Variants in TMEM131L observed in about 807,000 individuals in gnomAD.
TMEM131L encodes transmembrane 131 like.
A neutral mutation model predicts 192.2 loss-of-function variants in TMEM131L; 54 were observed. The observed-to-expected ratio is 0.28, with a 90% CI of 0.23 to 0.35. The LOEUF is 0.35. Among genes scored for constraint, TMEM131L ranks in the 10% least tolerant of loss-of-function variants. TMEM131L has a pLI of 1.00. For missense variants in TMEM131L, 1,888 were observed against 1,972.9 expected, an observed-to-expected ratio of 0.96 and a Z score of 0.82; for synonymous variants, 701 against 704.9, an observed-to-expected ratio of 0.99 and a Z score of 0.09.
intron 2 of TMEM131L, among the ~76,000 whole-genome samples, chr4:153,473,564 C>T (rs761869755): frequency 3.3e-5 from 5 of 152,094 alleles, no homozygotes; most frequent in East Asian, 1.9e-4. Flanking sequence ...GAGGCCGAGG[C>T]GGGTGGATCA....
intron 7 of TMEM131L, among the ~76,000 whole-genome samples, chr4:153,576,898 C>G (rs534449773): frequency 5.3e-5 from 8 of 152,290 alleles, no homozygotes; most frequent in Non-Finnish European, 7.3e-5. Flanking sequence ...ATGCCCACCT[C>G]TATCCACTCA....
intron 3 of TMEM131L, among the ~76,000 whole-genome samples, chr4:153,509,954 A>T (rs1734241117): frequency 6.6e-6 from 1 of 152,168 alleles, no homozygotes. Flanking sequence ...TGCTACATGA[A>T]ATATGATCTG....
chr4:153,612,302 T>C lies in TMEM131L; in HGVS notation c.3469T>C (p.Leu1157=), dbSNP rs903489072. Residue 1157 remains leucine (L), a synonymous_variant, in exon 26 of 35, where the codon TTG becomes CTG. Coordinates refer to ENST00000409959, the MANE Select transcript of TMEM131L (RefSeq NM_001131007.2). The part of the protein sequence containing the change: ...VKNEVDHCEN[L]KKVDTKPSSE... ...GAATGAAGTAGATCATTGTGAAAATTTGAAGAAGGTGGACACAAAGCCTTC... is the reference window on the plus strand; with the variant it reads ...GAATGAAGTAGATCATTGTGAAAATCTGAAGAAGGTGGACACAAAGCCTTC... 6.3e-6 allele frequency: 10 copies of C among 1,591,838 alleles called. No homozygotes were observed. Among genetic ancestry groups the C allele is most frequent in the Non-Finnish European group, 7.7e-6 (9 of 1,172,574 alleles).
chr4:153,545,943 G>C (rs6819752), intron 3 of TMEM131L, among the ~76,000 whole-genome samples: 29,847 of 151,976 alleles, frequency 0.2, 4,065 homozygotes, highest in East Asian at 0.36. Flanking sequence ...GAGTGCAGTG[G>C]TGCGGTCATT....
At chr4:153,544,910 G>A (rs1737057308) in intron 3 of TMEM131L, among the ~76,000 whole-genome samples, 1 of 152,134 alleles carries the variant, frequency 6.6e-6, no homozygotes, top group Non-Finnish European at 1.5e-5. Flanking sequence ...GAGCTTTGAG[G>A]TGGGGTCAGC....
intron 7 of TMEM131L, among the ~76,000 whole-genome samples, chr4:153,561,114 T>A (rs1580217084): frequency 6.6e-6 from 1 of 152,364 alleles, no homozygotes; most frequent in African/African-American, 2.4e-5. Context: ...GTGGTTTTGA[T>A]TTGCATTTTT....
Position 153,603,791 on chromosome 4 carries a change from C to T in TMEM131L, c.2790-11C>T, listed in dbSNP as rs1224418242. On this transcript the variant is annotated splice_polypyrimidine_tract_variant and intron_variant, in intron 24 of 34. Transcript: ENST00000409959. The stretch of plus-strand genomic sequence containing the variant: ...TGCCTCTATGCTAAATGTTTTTCTT[C>T]TTAAATTCAGAAGCAATTGCAAGAA... 2 of 1,563,846 alleles carry T rather than the reference C, an allele frequency of 1.3e-6. No homozygotes were observed. Among genetic ancestry groups the T allele is most frequent in the African/African-American group, 2.8e-5 (2 of 72,540 alleles).
intron 3 of TMEM131L, among the ~76,000 whole-genome samples, chr4:153,532,984 CTTTT>C (rs70963190): frequency 4.6e-5 from 6 of 129,682 alleles, no homozygotes; most frequent in Non-Finnish European, 6.6e-5. Context: ...TTTCTCAATT[CTTTT>C]TTTTTTTTTT....
chr4:153,595,046 CTG>C (rs1418951553), intron 19 of TMEM131L, among the ~76,000 whole-genome samples: 3 of 152,204 alleles, frequency 2.0e-5, no homozygotes, highest in East Asian at 1.9e-4. Context: ...TTATCTATGA[CTG>C]TTTTTCCCAA....
intron 3 of TMEM131L, among the ~76,000 whole-genome samples, chr4:153,509,695 C>T (rs183574817): frequency 6.6e-5 from 10 of 152,262 alleles, no homozygotes; most frequent in East Asian, 3.9e-4. Flanking sequence ...CCAGCCTGGG[C>T]GACAGAGCGA....
In TMEM131L at chr4:153,540,436, C is replaced by T. The variant is rs575512012; in HGVS notation, c.240-9637C>T. Among the ~76,000 whole-genome samples the T allele has an allele frequency of 7.4e-4, 112 of 152,262 alleles. 1 individual carries two copies. The highest frequency in any genetic ancestry group is 2.6e-3 in the African/African-American group (109 of 41,542). On this transcript the variant is annotated intron_variant, in intron 3 of 34. Transcript: ENST00000409959. ...AGGCATTTCCTAACCTATTCCACGC[C>T]AGGTGATCTCTTCCTCTTGTGGATA...
intron 3 of TMEM131L, among the ~76,000 whole-genome samples, chr4:153,495,254 A>G (rs1329771285): frequency 1.3e-5 from 2 of 152,012 alleles, no homozygotes; most frequent in East Asian, 1.9e-4. Flanking sequence ...GAGGCATCCT[A>G]GGTTGCAGTG....
chr4:153,493,345 C>CAAAAAAAAAAAAAAAAAAAAAAA (rs35052272), intron 3 of TMEM131L, among the ~76,000 whole-genome samples: 4 of 72,864 alleles, frequency 5.5e-5, no homozygotes, highest in African/African-American at 2.6e-4. Flanking sequence ...GACTCTGTCT[C>CAAAAAAAAAAAAAAAAAAAAAAA]AAAAAAAAAA....
At chr4:153,554,294 G>A (rs1450409898) in intron 4 of TMEM131L, 1 of 152,118 alleles carries the variant, frequency 6.6e-6, no homozygotes, top group African/African-American at 2.4e-5. Flanking sequence ...TTAAAAAAAT[G>A]GTATTACTTA....
At chr4:153,489,889 A>G (rs1732646120) in intron 3 of TMEM131L, among the ~76,000 whole-genome samples, 1 of 152,070 alleles carries the variant, frequency 6.6e-6, no homozygotes, top group Non-Finnish European at 1.5e-5. Flanking sequence ...AAAAGCGACT[A>G]ATGTAACTGG....
chr4:153,479,459 C>T (rs1731769659), intron 3 of TMEM131L, among the ~76,000 whole-genome samples: 1 of 152,188 alleles, frequency 6.6e-6, no homozygotes, highest in Non-Finnish European at 1.5e-5. Flanking sequence ...CTTACTAGAA[C>T]TGAATGCCCT....
At chr4:153,495,601 A>G (rs746120510) in intron 3 of TMEM131L, among the ~76,000 whole-genome samples, 1 of 152,174 alleles carries the variant, frequency 6.6e-6, no homozygotes, top group African/African-American at 2.4e-5. Context: ...TACATAAACA[A>G]TAGGTCAGAG....
Position 153,580,890 on chromosome 4 carries a change from G to A in TMEM131L, c.725G>A (p.Cys242Tyr). The change falls in exon 8 of 35, where the codon TGT becomes TAT. Residue 242 changes from cysteine (C) to tyrosine (Y), a missense_variant. Physicochemically the swap from Cys to Tyr is radical, Grantham distance 194 (BLOSUM62 -2). Coordinates refer to ENST00000409959, the MANE Select transcript of TMEM131L (RefSeq NM_001131007.2). ...QLECSLHNKV[C>Y]QQLKGCYLES... ...GAATGCAGTTTACATAATAAAGTGTGTCAGCAATTAAAGGTAAAATAAAAT... is the reference window on the plus strand; with the variant it reads ...GAATGCAGTTTACATAATAAAGTGTATCAGCAATTAAAGGTAAAATAAAAT... The A allele has an allele frequency of 6.2e-7, 1 of 1,604,842 alleles. No homozygotes were observed. Among genetic ancestry groups the A allele is most frequent in the Non-Finnish European group, 8.5e-7 (1 of 1,171,700 alleles).
Position 153,467,213 on chromosome 4 carries a change from A to G in TMEM131L, c.127A>G (p.Ile43Val). ...CRPGGAQGQA[I>V]EPLPNVVELW... ...TGTATTTTTTGGTGTTCCTGCAGCG[A>G]TTGAGCCGTTGCCGAACGTGGTGGA... Residue 43 changes from isoleucine (I) to valine (V), a missense_variant and splice_region_variant, in exon 2 of 35, where the codon ATT (isoleucine) becomes GTT (valine). By Grantham distance (29) the Ile-to-Val change is conservative. Transcript: ENST00000409959. The G allele has an allele frequency of 1.3e-6, 2 of 1,551,572 alleles. No homozygotes were observed. Among genetic ancestry groups the G allele is most frequent in the East Asian group, 2.4e-5 (1 of 40,934 alleles).
Sources: allele counts gnomAD v4.1 joint callset (sites outside exome capture counted in the v4.1 genomes callset), GRCh38; gene constraint gnomAD v4.1.1; transcripts MANE v1.5; gene names NCBI Gene and HGNC (gene_info 2026-07-23, HGNC 2026-07-21).